SVOPL: variants seen among roughly 807,000 people sequenced by gnomAD.
SVOPL encodes the protein SVOP like, also known as putative transporter SVOPL.
A neutral mutation model predicts 61.0 loss-of-function variants in SVOPL; 60 were observed. The observed-to-expected ratio is 0.98, with a 90% CI of 0.80 to 1.22. The LOEUF (loss-of-function observed/expected upper bound fraction) is 1.22. SVOPL is among the 50% of genes most tolerant of loss of function. SVOPL has a pLI of 0.00. For synonymous variants in SVOPL, 279 were observed against 250.0 expected, an observed-to-expected ratio of 1.12 and a Z score of -1.09; for missense variants, 662 against 643.9, an observed-to-expected ratio of 1.03 and a Z score of -0.30.
At chr7:138,668,379 A>G (rs1802328695) in intron 4 of SVOPL, among the ~76,000 whole-genome samples, 4 of 152,164 alleles carry the variant, frequency 2.6e-5, no homozygotes, top group African/African-American at 9.6e-5. Flanking sequence ...GTCTTGAGAA[A>G]TCAGCTCTGT....
intron 9 of SVOPL, among the ~76,000 whole-genome samples, chr7:138,632,524 G>A (rs1184913597): frequency 6.6e-6 from 1 of 152,094 alleles, no homozygotes; most frequent in Non-Finnish European, 1.5e-5. Context: ...GAAGGAAAGT[G>A]GGGAGGAGGA....
rs1799583803 is a variant in SVOPL at position 138,621,830 on chromosome 7, G to GTATCTATCTATGTATCTATCTATCTATC, written c.1264-696_1264-695insGATAGATAGATAGATACATAGATAGATA. ...TCTATCTATGTATCTATGTATCTAT[G>GTATCTATCTATGTATCTATCTATCTATC]TATCTATCTATCTATGTATCTATCT... On this transcript the variant is annotated intron_variant, in intron 13 of 15. Coordinates refer to ENST00000674285, the MANE Select transcript of SVOPL (RefSeq NM_001139456.2). 5.3e-5 allele frequency among the ~76,000 whole-genome samples: 2 copies of GTATCTATCTATGTATCTATCTATCTATC among 37,472 alleles called. 1 individual carries two copies. Among genetic ancestry groups the GTATCTATCTATGTATCTATCTATCTATC allele is most frequent in the Non-Finnish European group, 1.3e-4 (2 of 15,088 alleles). The allele number at this position is 37,472 out of a possible 152,430, so 24.6% of individuals were successfully genotyped here. A position where few individuals can be genotyped will look rare whatever the true frequency, so the allele number is the denominator to read the frequency against.
intron 3 of SVOPL, among the ~76,000 whole-genome samples, chr7:138,676,101 G>T (rs1193611463): frequency 6.6e-6 from 1 of 152,232 alleles, no homozygotes; most frequent in African/African-American, 2.4e-5. Context: ...CTCCCAGTGT[G>T]CTGGGATGAC....
intron 1 of SVOPL, among the ~76,000 whole-genome samples, chr7:138,693,534 A>AAAGAAAGAAAGAAAGAAAG (rs1802991762): frequency 6.6e-5 from 4 of 61,018 alleles, no homozygotes; most frequent in Non-Finnish European, 1.3e-4. Flanking sequence ...AAAGAAAAAG[A>AAAGAAAGAAAGAAAGAAAG]AAGAAAGAAA....
At chr7:138,682,726 T>C (rs1487402220) in intron 1 of SVOPL, among the ~76,000 whole-genome samples, 2 of 152,100 alleles carry the variant, frequency 1.3e-5, no homozygotes, top group African/African-American at 2.4e-5. Flanking sequence ...CCCAGTACTT[T>C]GGGAAGCCAA....
chr7:138,628,341 A>AGTAG lies in SVOPL; in HGVS notation c.882_885dup (p.Tyr296LeufsTer10), dbSNP rs1799992919. On this transcript the variant is annotated frameshift_variant, in exon 11 of 16. Transcript: ENST00000674285. LOFTEE classifies it high-confidence loss of function. ...TCAGCACTGGCCAGGATAACCCCAT[A>AGTAG]GTAGGCAAAAGAGATTCCAAGCCTG... is the stretch of plus-strand genomic sequence containing the variant. 1 of 1,614,068 alleles carries AGTAG rather than the reference A, an allele frequency of 6.2e-7. No homozygotes were observed. Among genetic ancestry groups the AGTAG allele is most frequent in the African/African-American group, 1.3e-5 (1 of 74,918 alleles).
In SVOPL at chr7:138,626,574, G is replaced by T. The variant is rs566210986; in HGVS notation, c.1182-524C>A. The stretch of plus-strand genomic sequence containing the variant: ...CACTCAGCTAATTTTTGTATTTGTT[G>T]TAGAGATGGGGTTTTGCCATGTTGT... On this transcript the variant is annotated intron_variant, in intron 12 of 15. Coordinates refer to ENST00000674285, the MANE Select transcript of SVOPL (RefSeq NM_001139456.2). 3.3e-5 allele frequency among the ~76,000 whole-genome samples: 5 copies of T among 152,204 alleles called. No individual in the cohort carries two copies. In the East Asian group the frequency reaches 9.8e-4, roughly 30 times the overall value.
In SVOPL at chr7:138,649,037, C is replaced by T. The variant is rs765885083; in HGVS notation, c.635G>A (p.Gly212Asp). Residue 212 changes from glycine to aspartate, a missense_variant, in exon 8 of 16, where the codon GGC becomes GAC. Coordinates refer to ENST00000674285, the MANE Select transcript of SVOPL (RefSeq NM_001139456.2). ...CTTGAAGGCCACGATGAGGATGATG[C>T]CCGGGATGGAGGCGACGCGAATGAG... ...RWLIRVASIP[G>D]IILIVAFKFI... 10 of 1,613,864 alleles carry T rather than the reference C, an allele frequency of 6.2e-6. No individual in the cohort carries two copies. Among genetic ancestry groups the T allele is most frequent in the Non-Finnish European group, 8.5e-6 (10 of 1,179,940 alleles).
rs1437408548 is a variant in SVOPL, at chr7:138,596,994, GA to G, written c.1354-465del. 3 of 1,141,696 alleles carry G rather than the reference GA, an allele frequency of 2.6e-6. No homozygotes were observed. In the Admixed American group the frequency reaches 1.2e-4, roughly 47 times the overall value. 70.7% of individuals were successfully genotyped at this position (1,141,696 alleles called of 1,614,324 possible). A position where few individuals can be genotyped will look rare whatever the true frequency, so the allele number is the denominator to read the frequency against. Reference sequence around the variant, plus strand: ...GAAGAGGTGTTATCTCAGAGTCTCTGAAAGGATTGCTAATGTGTCTTGTCTC... The same window carrying G: ...GAAGAGGTGTTATCTCAGAGTCTCTGAAGGATTGCTAATGTGTCTTGTCTC... On this transcript the variant is annotated intron_variant, in intron 14 of 15. Transcript: ENST00000674285.
Position 138,628,223 on chromosome 7 carries a change from T to C in SVOPL, c.1004A>G (p.Tyr335Cys). Residue 335 changes from tyrosine to cysteine, a missense_variant, in exon 11 of 16, where the codon TAC becomes TGC. Tyr to Cys is a radical substitution (Grantham distance 194). Coordinates refer to ENST00000674285, the MANE Select transcript of SVOPL (RefSeq NM_001139456.2). ...GTCAGAGGGTGCAAACATGTGGCAGTAGCAGGGGCTCTGGCTCTCCCCTGA... is the reference window on the plus strand; with the variant it reads ...GTCAGAGGGTGCAAACATGTGGCAGCAGCAGGGGCTCTGGCTCTCCCCTGA... ...GDSGESQSPC[Y>C]CHMFAPSDYR... The C allele has an allele frequency of 6.2e-7, 1 of 1,614,160 alleles. No individual in the cohort carries two copies. The highest frequency in any genetic ancestry group is 8.5e-7 in the Non-Finnish European group (1 of 1,180,020).
intron 4 of SVOPL, 30 bp downstream of exon 4, chr7:138,671,989 G>T (rs63317961): frequency 5.6e-3 from 1 of 180 alleles, no homozygotes; most frequent in Non-Finnish European, 9.6e-3. Flanking sequence ...CTCAGTTGCT[G>T]TGTTCACGGC....
At chr7:138,608,690 TC>T (rs113367572) in intron 14 of SVOPL, among the ~76,000 whole-genome samples, 4,637 of 150,418 alleles carry the variant, frequency 0.031, 225 homozygotes, top group African/African-American at 0.11. Flanking sequence ...AAGTGTACAC[TC>T]CCCCCCCTTG....
chr7:138,687,409 T>A (rs1802843077), intron 1 of SVOPL, among the ~76,000 whole-genome samples: 1 of 151,690 alleles, frequency 6.6e-6, no homozygotes, highest in East Asian at 1.9e-4. Context: ...CAAATTTTTT[T>A]ATTTTTAGTG....
At chr7:138,657,109 C>T (rs568584451) in intron 6 of SVOPL, among the ~76,000 whole-genome samples, 32 of 150,924 alleles carry the variant, frequency 2.1e-4, no homozygotes, top group Non-Finnish European at 3.8e-4. Flanking sequence ...AATGTTTTCC[C>T]AAGCCTGATT....
At chr7:138,697,059 C>T (rs1803078731) in intron 1 of SVOPL, among the ~76,000 whole-genome samples, 1 of 152,058 alleles carries the variant, frequency 6.6e-6, no homozygotes, top group Admixed American at 6.6e-5. Context: ...TACTACATGC[C>T]ATTGAAATGT....
intron 4 of SVOPL, among the ~76,000 whole-genome samples, chr7:138,667,738 G>C (rs2117102067): frequency 6.6e-6 from 1 of 152,276 alleles, no homozygotes; most frequent in Non-Finnish European, 1.5e-5. Context: ...TGGTGTTCTT[G>C]AAACTGACAC....
chr7:138,628,127 A>C (rs1158864630), intron 11 of SVOPL, 31 bp downstream of exon 11: 2 of 1,613,270 alleles, frequency 1.2e-6, no homozygotes, highest in East Asian at 4.5e-5. Flanking sequence ...CACCCAAGAC[A>C]GAGAGACCCA....
At chr7:138,683,828 C>G (rs975879100) in intron 1 of SVOPL, among the ~76,000 whole-genome samples, 4 of 151,098 alleles carry the variant, frequency 2.6e-5, no homozygotes, top group African/African-American at 9.8e-5. Flanking sequence ...CTGAGGCGGG[C>G]AGATCACAAG....
intron 4 of SVOPL, among the ~76,000 whole-genome samples, chr7:138,671,483 G>T (rs1194652744): frequency 2.0e-5 from 3 of 152,178 alleles, no homozygotes; most frequent in African/African-American, 7.2e-5. Context: ...AAGTAGCTGG[G>T]ATTATAGGCA....
Sources: allele counts gnomAD v4.1 joint callset (sites outside exome capture counted in the v4.1 genomes callset), GRCh38; gene constraint gnomAD v4.1.1; transcripts MANE v1.5; gene names NCBI Gene and HGNC (gene_info 2026-07-23, HGNC 2026-07-21).